Variants in CFAP20DC observed in about 807,000 individuals in gnomAD.
CFAP20DC encodes CFAP20 domain containing.
CFAP20DC carries 84 observed loss-of-function variants against 101.7 expected under a neutral mutation model. That is an observed-to-expected ratio of 0.83 (90% CI 0.69 to 0.99). The LOEUF (loss-of-function observed/expected upper bound fraction) is 0.99, where lower values mean the gene tolerates loss of function less well. CFAP20DC is among the 50% of genes least tolerant of loss of function. CFAP20DC has a pLI of 0.00. For synonymous variants in CFAP20DC, 359 were observed against 351.2 expected, an observed-to-expected ratio of 1.02 and a Z score of -0.25; for missense variants, 1,007 against 970.3, an observed-to-expected ratio of 1.04 and a Z score of -0.50.
intron 4 of CFAP20DC, among the ~76,000 whole-genome samples, chr3:58,968,120 AT>A (rs2091706700): frequency 6.6e-6 from 1 of 152,158 alleles, no homozygotes; most frequent in African/African-American, 2.4e-5. Flanking sequence ...ACTGATGGGC[AT>A]TTAGGTTGAT....
At chr3:59,035,362 T>C (rs1382129376) in intron 4 of CFAP20DC, among the ~76,000 whole-genome samples, 2 of 151,850 alleles carry the variant, frequency 1.3e-5, no homozygotes, top group Non-Finnish European at 2.9e-5. Flanking sequence ...CTGAAGGAGA[T>C]AGAGACATGA....
At chr3:58,812,314 A>T (rs1325155704) in intron 14 of CFAP20DC, among the ~76,000 whole-genome samples, 2 of 152,190 alleles carry the variant, frequency 1.3e-5, no homozygotes, top group Non-Finnish European at 2.9e-5. Flanking sequence ...CCAAATGTCC[A>T]ACAATGATAG....
At chr3:59,034,918 T>C (rs1269172012) in intron 4 of CFAP20DC, among the ~76,000 whole-genome samples, 1 of 152,170 alleles carries the variant, frequency 6.6e-6, no homozygotes, top group Non-Finnish European at 1.5e-5. Flanking sequence ...ATTGCACTTA[T>C]TCTAATATCA....
chr3:58,973,324 G>A (rs1173162247), intron 4 of CFAP20DC, among the ~76,000 whole-genome samples: 1 of 152,166 alleles, frequency 6.6e-6, no homozygotes, highest in African/African-American at 2.4e-5. Flanking sequence ...ATTAACTTAA[G>A]TCATGCTTGA....
At position 58,863,118 on chromosome 3, in the gene CFAP20DC, A is replaced by G. The variant is rs1444801426; in HGVS notation, c.1593+440T>C. ...ACCATATGGAAAATAATGAGTCCTA[A>G]TAGGTCTAAGGTGAAAAGATGGCAG... is the stretch of plus-strand genomic sequence containing the variant. On this transcript the variant is annotated intron_variant, in intron 12 of 16. Transcript: ENST00000482387. This position sits in a 1 kb window ranked among gnomAD's most constrained non-coding sequence, Gnocchi z 5.9. The G allele has an allele frequency of 9.8e-7, 1 of 1,023,486 alleles. No homozygotes were observed. Among genetic ancestry groups the G allele is most frequent in the Non-Finnish European group, 1.2e-6 (1 of 855,760 alleles). 63.4% of individuals were successfully genotyped at this position (1,023,486 alleles called of 1,614,324 possible). A position where few individuals can be genotyped will look rare whatever the true frequency, so the allele number is the denominator to read the frequency against.
intron 15 of CFAP20DC, among the ~76,000 whole-genome samples, chr3:58,769,657 T>C (rs2070659986): frequency 6.6e-6 from 1 of 152,018 alleles, no homozygotes; most frequent in South Asian, 2.1e-4. Flanking sequence ...TAGTTGAGAA[T>C]GACATGAGAA....
At position 58,814,570 on chromosome 3, in the gene CFAP20DC, T is replaced by C. The variant is rs795416; in HGVS notation, c.2176-8114A>G. Among the ~76,000 whole-genome samples the C allele has an allele frequency of 3.5e-4, 53 of 151,118 alleles. 1 individual carries two copies. The highest frequency in any genetic ancestry group is 8.4e-4 in the South Asian group (4 of 4,788). On this transcript the variant is annotated intron_variant, in intron 14 of 16. Coordinates refer to ENST00000482387, the MANE Select transcript of CFAP20DC (RefSeq NM_001394063.1). ...TAGGAAAAGAGGAAGTCAAATTGTC[T>C]CTGTTTGCAGATGACATGATTGTAT... is the stretch of plus-strand genomic sequence containing the variant.
chr3:58,835,626 C>A (rs1276990010), intron 13 of CFAP20DC, among the ~76,000 whole-genome samples: 1 of 152,176 alleles, frequency 6.6e-6, no homozygotes, highest in Non-Finnish European at 1.5e-5. Flanking sequence ...ATTCTGACAA[C>A]ACCCTGGAAG....
At chr3:58,775,823 A>G (rs1259192777) in intron 15 of CFAP20DC, among the ~76,000 whole-genome samples, 2 of 143,520 alleles carry the variant, frequency 1.4e-5, no homozygotes, top group South Asian at 2.2e-4. Flanking sequence ...TCGTCTCACC[A>G]CAACCTCCAC....
At chr3:58,760,823 A>G (rs2069497702) in intron 15 of CFAP20DC, among the ~76,000 whole-genome samples, 1 of 152,206 alleles carries the variant, frequency 6.6e-6, no homozygotes, top group Non-Finnish European at 1.5e-5. Flanking sequence ...TTCTGTTTAC[A>G]TGCTGGATTA....
Position 58,753,828 on chromosome 3 carries a change from G to C in CFAP20DC, c.2273C>G (p.Pro758Arg), listed in dbSNP as rs1352148608. 5.6e-6 allele frequency: 9 copies of C among 1,612,526 alleles called. No individual in the cohort carries two copies. Among genetic ancestry groups the C allele is most frequent in the Non-Finnish European group, 7.6e-6 (9 of 1,179,264 alleles). Residue 758 changes from proline (P) to arginine (R), a missense_variant, in exon 16 of 17, where the codon CCT (proline) becomes CGT (arginine). Physicochemically the swap from Pro to Arg is moderately radical, Grantham distance 103. Transcript: ENST00000482387. ...WLNMLSPPIV[P>R]PSQQPAEQRP... The stretch of plus-strand genomic sequence containing the variant: ...CTGCTCAGCCGGCTGTTGACTGGGA[G>C]GAACGATTGGTGGGCTCAACATATT...
chr3:58,742,583 G>T lies in CFAP20DC; in HGVS notation c.2333-11C>A. 1 of 1,591,018 alleles carries T rather than the reference G, an allele frequency of 6.3e-7. No individual in the cohort carries two copies. Among genetic ancestry groups the T allele is most frequent in the South Asian group, 1.1e-5 (1 of 87,244 alleles). ...TGAGGTCTTCTTCACCTGTGGGGAA[G>T]GGGAACCACAGACACATTAGCTGTT... is the stretch of plus-strand genomic sequence containing the variant. On this transcript the variant is annotated splice_polypyrimidine_tract_variant and intron_variant, in intron 16 of 16. Coordinates refer to ENST00000482387, the MANE Select transcript of CFAP20DC (RefSeq NM_001394063.1).
intron 4 of CFAP20DC, among the ~76,000 whole-genome samples, chr3:58,947,874 C>T (rs1203629601): frequency 6.6e-6 from 1 of 152,122 alleles, no homozygotes; most frequent in Non-Finnish European, 1.5e-5. Flanking sequence ...GGCTCCATTC[C>T]ACTGGGACTT....
chr3:58,774,101 T>A (rs968552431), intron 15 of CFAP20DC, among the ~76,000 whole-genome samples: 1 of 151,746 alleles, frequency 6.6e-6, no homozygotes, highest in Non-Finnish European at 1.5e-5. Flanking sequence ...ATTTCAGGGG[T>A]GAAAATTCTC....
intron 14 of CFAP20DC, among the ~76,000 whole-genome samples, chr3:58,831,171 A>G (rs922516802): frequency 2.0e-5 from 3 of 152,234 alleles, no homozygotes; most frequent in African/African-American, 7.2e-5. Flanking sequence ...ACACATGGGA[A>G]TATAAGCTTC....
rs780198969 is a variant in CFAP20DC, at chr3:58,831,829, C to T, written c.2032G>A (p.Ala678Thr). The T allele has an allele frequency of 6.2e-7, 1 of 1,614,082 alleles. No homozygotes were observed. Among genetic ancestry groups the T allele is most frequent in the Non-Finnish European group, 8.5e-7 (1 of 1,179,976 alleles). ...QMSESELQML[A>T]SLRWQQNEEL... The stretch of plus-strand genomic sequence containing the variant: ...TCATTTTGTTGCCACCGTAGGCTTG[C>T]TAGCATCTGTAACTCGGATTCACTC... The change falls in exon 14 of 17, where the codon GCA becomes ACA. Residue 678 changes from alanine to threonine, a missense_variant. Coordinates refer to ENST00000482387, the MANE Select transcript of CFAP20DC (RefSeq NM_001394063.1).
chr3:58,934,408 C>G (rs1198598555), intron 5 of CFAP20DC, among the ~76,000 whole-genome samples: 1 of 152,114 alleles, frequency 6.6e-6, no homozygotes. Flanking sequence ...AGGAATCCTC[C>G]CTAACTCATT....
intron 3 of CFAP20DC, chr3:58,734,446 C>A: frequency 2.3e-6 from 1 of 430,818 alleles, no homozygotes; most frequent in Non-Finnish European, 4.7e-6. Flanking sequence ...AATAATCACA[C>A]CAGTGAACAT....
chr3:58,821,622 A>T (rs1372289205), intron 14 of CFAP20DC, among the ~76,000 whole-genome samples: 1 of 149,728 alleles, frequency 6.7e-6, no homozygotes, highest in East Asian at 2.0e-4. Flanking sequence ...TTAGAATGGC[A>T]ATCATTAAAA....
Sources: gnomAD v4.1 joint callset for allele counts (sites outside exome capture counted in the v4.1 genomes callset) on GRCh38, gnomAD v4.1.1 for gene constraint, Gnocchi (gnomAD v3.1) non-coding constraint, MANE v1.5 for transcripts, NCBI Gene and HGNC (gene_info 2026-07-23, HGNC 2026-07-21) for gene names.